Variants in GPC6 observed in about 807,000 individuals in gnomAD.
The protein encoded by GPC6 is glypican 6.
A neutral mutation model predicts 55.2 loss-of-function variants in GPC6; 14 were observed. The ratio of observed to expected loss-of-function variants is 0.25; its 90% CI spans 0.17 to 0.40. The LOEUF (loss-of-function observed/expected upper bound fraction) is 0.40. GPC6 is among the 10% of genes least tolerant of loss of function. The pLI, the probability that GPC6 is intolerant of heterozygous loss-of-function variation, is 1.00. For missense variants in GPC6, 641 were observed against 708.5 expected, an observed-to-expected ratio of 0.90 and a Z score of 1.08; for synonymous variants, 278 against 259.6, an observed-to-expected ratio of 1.07 and a Z score of -0.68.
intron 4 of GPC6, among the ~76,000 whole-genome samples, chr13:94,078,164 C>T (rs1031948392): frequency 6.6e-6 from 1 of 151,720 alleles, no homozygotes; most frequent in Non-Finnish European, 1.5e-5. Context: ...TTTTGAGCGA[C>T]CAATGGGACC....
intron 1 of GPC6, among the ~76,000 whole-genome samples, chr13:93,470,457 C>T (rs972576109): frequency 1.3e-5 from 2 of 152,090 alleles, no homozygotes; most frequent in Non-Finnish European, 1.5e-5. Context: ...CCTTGCATTA[C>T]CTGGATAAAT....
chr13:94,398,562 G>A lies in GPC6; in HGVS notation c.1386G>A (p.Gln462=). The part of the protein sequence containing the change: ...DITRPDTFIR[Q]QIMALRVMTN... ...CTCGGCCTGACACTTTCATCAGACA[G>A]CAGATTATGGCTCTCCGTGTGATGA... Residue 462 remains glutamine (Q), a synonymous_variant, in exon 8 of 9, where the codon CAG becomes CAA. Coordinates refer to ENST00000377047, the MANE Select transcript of GPC6 (RefSeq NM_005708.5). 2.5e-6 allele frequency: 4 copies of A among 1,613,936 alleles called. No homozygotes were observed. The highest frequency in any genetic ancestry group is 3.4e-6 in the Non-Finnish European group (4 of 1,179,776).
chr13:93,924,131 T>G (rs1388148820), intron 3 of GPC6, among the ~76,000 whole-genome samples: 2 of 152,268 alleles, frequency 1.3e-5, no homozygotes, highest in Admixed American at 6.5e-5. Flanking sequence ...TGTGAGCTCC[T>G]AAGTTATGAT....
intron 1 of GPC6, among the ~76,000 whole-genome samples, chr13:93,513,443 T>C (rs1291366840): frequency 6.6e-6 from 1 of 152,220 alleles, no homozygotes; most frequent in Non-Finnish European, 1.5e-5. Flanking sequence ...AAATTCATTG[T>C]AATTTTACTA....
At chr13:94,012,283 T>C (rs1028344220) in intron 3 of GPC6, among the ~76,000 whole-genome samples, 8 of 152,180 alleles carry the variant, frequency 5.3e-5, no homozygotes, top group Non-Finnish European at 1.0e-4. Context: ...TTGAGGCTTT[T>C]CAGAAAAGGT....
At chr13:93,931,724 A>G (rs1215811036) in intron 3 of GPC6, among the ~76,000 whole-genome samples, 1 of 146,168 alleles carries the variant, frequency 6.8e-6, no homozygotes, top group Non-Finnish European at 1.5e-5. Flanking sequence ...AGATCGCGCC[A>G]CTGCACTCCA....
chr13:93,433,293 G>A (rs1291666401), intron 1 of GPC6, among the ~76,000 whole-genome samples: 3 of 152,188 alleles, frequency 2.0e-5, no homozygotes, highest in Non-Finnish European at 4.4e-5. Flanking sequence ...GTGGCCCAGT[G>A]AGGGCATAGA....
intron 1 of GPC6, among the ~76,000 whole-genome samples, chr13:93,511,737 T>C (rs1477851308): frequency 2.0e-5 from 3 of 152,110 alleles, no homozygotes; most frequent in African/African-American, 7.2e-5. Flanking sequence ...AGAGATTGCA[T>C]TGAATCTGTA....
chr13:93,971,941 G>A (rs1050775380), intron 3 of GPC6, among the ~76,000 whole-genome samples: 1 of 152,188 alleles, frequency 6.6e-6, no homozygotes, highest in Non-Finnish European at 1.5e-5. Context: ...CTGGGCAGGA[G>A]GAGTATCCAG....
chr13:93,725,638 CTG>C (rs1056201960), intron 2 of GPC6, among the ~76,000 whole-genome samples: 2 of 152,040 alleles, frequency 1.3e-5, no homozygotes, highest in Non-Finnish European at 2.9e-5. Flanking sequence ...AGCCCCAAGA[CTG>C]TGCATTACCA....
chr13:93,853,575 AT>A lies in GPC6; in HGVS notation c.711+23031del, dbSNP rs199995188. On this transcript the variant is annotated intron_variant, in intron 3 of 8. Transcript: ENST00000377047. ...TTCAATCGAGACAGAAATAAAAAAA[AT>A]ATGAATTTTAAAATTTTACTCTATT... Among the ~76,000 whole-genome samples, 437 of 151,778 alleles carry A rather than the reference AT, an allele frequency of 2.9e-3. 5 individuals are homozygous for A. Among genetic ancestry groups the A allele is most frequent in the African/African-American group, 9.8e-3 (408 of 41,492 alleles).
chr13:94,186,158 G>A (rs1257606246), intron 4 of GPC6, among the ~76,000 whole-genome samples: 1 of 151,554 alleles, frequency 6.6e-6, no homozygotes, highest in Non-Finnish European at 1.5e-5. Flanking sequence ...AGAGGTAAAG[G>A]GTAGTCTAAC....
intron 4 of GPC6, among the ~76,000 whole-genome samples, chr13:94,181,366 G>A (rs982624903): frequency 4.6e-5 from 7 of 152,182 alleles, no homozygotes; most frequent in East Asian, 1.9e-4. Flanking sequence ...TTCTCAGACC[G>A]GCTGACACTT....
At chr13:94,383,189 T>G (rs1410363403) in intron 7 of GPC6, among the ~76,000 whole-genome samples, 1 of 152,026 alleles carries the variant, frequency 6.6e-6, no homozygotes, top group Non-Finnish European at 1.5e-5. Flanking sequence ...TTGGCCTGGA[T>G]TTTCATAGGG....
chr13:94,016,110 T>C (rs1221115161), intron 3 of GPC6, among the ~76,000 whole-genome samples: 1 of 152,206 alleles, frequency 6.6e-6, no homozygotes, highest in Non-Finnish European at 1.5e-5. Context: ...CTACTCTAGA[T>C]ACTTCATATA....
At chr13:93,457,623 C>G (rs539065164) in intron 1 of GPC6, among the ~76,000 whole-genome samples, 1 of 152,128 alleles carries the variant, frequency 6.6e-6, no homozygotes, top group African/African-American at 2.4e-5. Context: ...GAAGAAAGCT[C>G]CGAAAGGTTT....
intron 1 of GPC6, among the ~76,000 whole-genome samples, chr13:93,401,637 T>G (rs1876082853): frequency 6.7e-6 from 1 of 149,368 alleles, no homozygotes; most frequent in Non-Finnish European, 1.5e-5. Context: ...GGTAAAGAGC[T>G]GAGGAGAAAT....
intron 7 of GPC6, among the ~76,000 whole-genome samples, chr13:94,385,446 A>G (rs1880359604): frequency 6.6e-6 from 1 of 152,228 alleles, no homozygotes; most frequent in Non-Finnish European, 1.5e-5. Context: ...GGAAGATTTT[A>G]TGCAGGTGGG....
chr13:93,561,404 G>GAGATATATATATATATATATATATATAT lies in GPC6; in HGVS notation c.319+15984_319+15985insGATATATATATATATATATATATATATA, dbSNP rs968221822. On this transcript the variant is annotated intron_variant, in intron 2 of 8. Transcript: ENST00000377047. ...AATAATTGCATACTATATCCCTATC[G>GAGATATATATATATATATATATATATAT]ATATATATATATATATATATATTTG... 1.7e-3 allele frequency among the ~76,000 whole-genome samples: 181 copies of GAGATATATATATATATATATATATATAT among 104,640 alleles called. 10 individuals carry two copies. Among genetic ancestry groups the GAGATATATATATATATATATATATATAT allele is most frequent in the African/African-American group, 7.0e-3 (168 of 24,070 alleles). 68.6% of individuals were successfully genotyped at this position (104,640 alleles called of 152,430 possible). A position where few individuals can be genotyped will look rare whatever the true frequency, so the allele number is the denominator to read the frequency against.
Sources: allele counts gnomAD v4.1 joint callset (sites outside exome capture counted in the v4.1 genomes callset), GRCh38; gene constraint gnomAD v4.1.1; transcripts MANE v1.5; gene names NCBI Gene and HGNC (gene_info 2026-07-23, HGNC 2026-07-21).